The following GCC2 variants were observed in gnomAD, a reference collection of about 807,000 sequenced individuals.
GCC2 encodes GRIP and coiled-coil domain-containing protein 2.
In GCC2, 120 loss-of-function variants were observed where a neutral mutation model predicts 210.6. The ratio of observed to expected loss-of-function variants is 0.57; its 90% CI spans 0.49 to 0.66. The LOEUF is 0.66. Ranked by LOEUF, GCC2 falls within the 30% of genes least tolerant of loss-of-function variation. The probability of loss-of-function intolerance (pLI) is 0.00; values close to 1 mark genes in which losing one functional copy is unlikely to be tolerated. For missense variants in GCC2, 1,868 were observed against 1,871.9 expected (o/e 1.00, Z 0.04); for synonymous variants, 703 against 652.7 (o/e 1.08, Z -1.17).
rs765343878 is a variant in GCC2, at chr2:108,470,852, T to G, written c.1523T>G (p.Met508Arg). ...AAAATAAGTCAAGAGTTCGAATCAA[T>G]GAAGCAACAGCAAGCATCTGATGTT... Reference protein sequence around the residue: ...AGKISQEFESMKQQQASDVHE... With the variant: ...AGKISQEFESRKQQQASDVHE... Residue 508 changes from methionine to arginine, a missense_variant, in exon 6 of 23, where the codon ATG (methionine) becomes AGG (arginine). Met to Arg is a moderately conservative substitution (Grantham distance 91). Around this residue, in one of 3 missense-constraint regions of GCC2, gnomAD observed 1,847 missense variants for 1,765.2 expected, o/e 1.05. Coordinates refer to ENST00000309863, the MANE Select transcript of GCC2 (RefSeq NM_181453.4). 1 of 1,613,826 alleles carries G rather than the reference T, an allele frequency of 6.2e-7. No homozygotes were observed. Among genetic ancestry groups the G allele is most frequent in the South Asian group, 1.1e-5 (1 of 91,060 alleles).
At chr2:108,490,320 C>G (rs1461319617) in intron 18 of GCC2, among the ~76,000 whole-genome samples, 1 of 152,118 alleles carries the variant, frequency 6.6e-6, no homozygotes, top group Non-Finnish European at 1.5e-5. Flanking sequence ...ACCCAAGTAT[C>G]AAATCATAAG....
chr2:108,462,893 C>T (rs929491305), intron 4 of GCC2, among the ~76,000 whole-genome samples: 1 of 4,920 alleles, frequency 2.0e-4, no homozygotes, highest in East Asian at 6.8e-3. Flanking sequence ...ATTCTTTTAC[C>T]CTTATTTTTT....
Position 108,470,095 on chromosome 2 carries a change from A to G in GCC2, c.766A>G (p.Met256Val). Residue 256 changes from methionine to valine, a missense_variant, in exon 6 of 23, where the codon ATG (methionine) becomes GTG (valine). Transcript: ENST00000309863. ...AIHQEEVKEL[M>V]CQIEASAKEH... ...ACACCAAGAAGAGGTGAAAGAGTTGATGTGCCAGATTGAAGCATCAGCTAA... is the reference window on the plus strand; with the variant it reads ...ACACCAAGAAGAGGTGAAAGAGTTGGTGTGCCAGATTGAAGCATCAGCTAA... 1 of 1,613,776 alleles carries G rather than the reference A, an allele frequency of 6.2e-7. No homozygotes were observed. The highest frequency in any genetic ancestry group is 8.5e-7 in the Non-Finnish European group (1 of 1,179,778).
intron 16 of GCC2, 73 bp downstream of exon 16, chr2:108,486,721 C>T (rs1682160790): frequency 1.5e-6 from 2 of 1,369,652 alleles, no homozygotes; most frequent in East Asian, 4.8e-5. Flanking sequence ...TACTCCAGGG[C>T]TGTGCTCTGC....
At chr2:108,485,537 C>T (rs1418197993) in intron 13 of GCC2, 99 bp from the exon 14 acceptor site, 1 of 655,726 alleles carries the variant, frequency 1.5e-6, no homozygotes, top group South Asian at 2.3e-5. Flanking sequence ...CTAAAACAGG[C>T]TTAAAGACAA....
At chr2:108,507,345 C>T (rs1313198278) in intron 22 of GCC2, among the ~76,000 whole-genome samples, 2 of 149,492 alleles carry the variant, frequency 1.3e-5, no homozygotes, top group African/African-American at 2.4e-5. Flanking sequence ...ATTGAAGTCT[C>T]ATCACGCCAC....
intron 22 of GCC2, among the ~76,000 whole-genome samples, chr2:108,502,382 C>T (rs1272099751): frequency 6.6e-6 from 1 of 151,944 alleles, no homozygotes; most frequent in Non-Finnish European, 1.5e-5. Flanking sequence ...AAGAGACTAA[C>T]CTAAGGGATA....
At position 108,472,049 on chromosome 2, in the gene GCC2, A is replaced by T. The variant is rs1490152565; in HGVS notation, c.2720A>T (p.Glu907Val). Residue 907 changes from glutamate (E) to valine (V), a missense_variant, in exon 6 of 23, where the codon GAA (glutamate) becomes GTA (valine). Glu to Val is a moderately radical substitution (Grantham distance 121). This residue lies in a region of GCC2 where 1,847 missense variants were observed against 1,765.2 expected (regional missense o/e 1.05). Coordinates refer to ENST00000309863, the MANE Select transcript of GCC2 (RefSeq NM_181453.4). ...EKEKCFIKEH[E>V]NLKPLLEQKE... ...GAAAAATGTTTTATAAAGGAACATGAAAACCTAAAGCCACTACTAGAACAA... is the reference window on the plus strand; with the variant it reads ...GAAAAATGTTTTATAAAGGAACATGTAAACCTAAAGCCACTACTAGAACAA... 1 of 1,590,818 alleles carries T rather than the reference A, an allele frequency of 6.3e-7. No individual in the cohort carries two copies. Among genetic ancestry groups the T allele is most frequent in the East Asian group, 2.2e-5 (1 of 44,730 alleles).
intron 9 of GCC2, among the ~76,000 whole-genome samples, chr2:108,478,014 C>T (rs1049330959): frequency 6.6e-6 from 1 of 152,038 alleles, no homozygotes; most frequent in African/African-American, 2.4e-5. Flanking sequence ...CCACTGCACC[C>T]CTACAAAGGA....
At chr2:108,491,387 C>T (rs1682399066) in intron 18 of GCC2, among the ~76,000 whole-genome samples, 1 of 152,116 alleles carries the variant, frequency 6.6e-6, no homozygotes, top group East Asian at 1.9e-4. Context: ...TCTTCCTTTG[C>T]TTTCTGGGTA....
intron 12 of GCC2, 99 bp downstream of exon 12, chr2:108,483,265 C>A: frequency 1.5e-6 from 1 of 680,290 alleles, no homozygotes; most frequent in Non-Finnish European, 2.6e-6. Context: ...ACTCTGTGGC[C>A]CAGGCTGGAG....
In GCC2 at chr2:108,470,130, A is replaced by G; in HGVS notation, c.801A>G (p.Glu267=). The change falls in exon 6 of 23, where the codon GAA becomes GAG. Residue 267 remains glutamate, a synonymous_variant. Transcript: ENST00000309863. ...CQIEASAKEH[E]AEINKLNELK... is the part of the protein sequence containing the mutation. ...TTGAAGCATCAGCTAAGGAACATGA[A>G]GCAGAGATAAATAAGTTGAACGAGC... 2.5e-6 allele frequency: 4 copies of G among 1,613,846 alleles called. No homozygotes were observed. Among genetic ancestry groups the G allele is most frequent in the Non-Finnish European group, 3.4e-6 (4 of 1,179,874 alleles).
At position 108,452,238 on chromosome 2, in the gene GCC2, C is replaced by T. The variant is rs959134584; in HGVS notation, c.149-161C>T. On this transcript the variant is annotated intron_variant, in intron 3 of 22. Transcript: ENST00000309863. Reference sequence around the variant, plus strand: ...AGGAAACAAAATTGGCCATGTAATGCTGAAGTATAGTGATGAGTGCAGAGA... The same window carrying T: ...AGGAAACAAAATTGGCCATGTAATGTTGAAGTATAGTGATGAGTGCAGAGA... 2.0e-5 allele frequency among the ~76,000 whole-genome samples: 3 copies of T among 152,128 alleles called. No homozygotes were observed. In the South Asian group the frequency reaches 6.2e-4, roughly 32 times the overall value.
At position 108,476,125 on chromosome 2, in the gene GCC2, A is replaced by G. The variant is rs533305968; in HGVS notation, c.3060+275A>G. The stretch of plus-strand genomic sequence containing the variant: ...GCCCAGGCTGGAGTGCAGTGGCTCA[A>G]TCTTGGCTCACTGCACCCTCTGCCC... On this transcript the variant is annotated intron_variant, in intron 9 of 22. Transcript: ENST00000309863. Among the ~76,000 whole-genome samples, 83 of 140,520 alleles carry G rather than the reference A, an allele frequency of 5.9e-4. No homozygotes were observed. In the South Asian group the frequency reaches 9.1e-3, roughly 15 times the overall value. 92.2% of individuals were successfully genotyped at this position (140,520 alleles called of 152,430 possible).
rs745438727 is a variant in GCC2 at position 108,472,811 on chromosome 2, C to G, written c.2788-16C>G. 5 of 1,399,120 alleles carry G rather than the reference C, an allele frequency of 3.6e-6. No individual in the cohort carries two copies. The highest frequency in any genetic ancestry group is 5.0e-6 in the Non-Finnish European group (5 of 1,007,120). The allele number at this position is 1,399,120 out of a possible 1,614,324, so 86.7% of individuals were successfully genotyped here. On this transcript the variant is annotated splice_polypyrimidine_tract_variant and intron_variant, in intron 6 of 22. Transcript: ENST00000309863. ...TTTGTTTTGTTTTGTGTTTTTTTTT[C>G]CCCTGTAAAATCTAGGATTCCTTAG...
At position 108,487,723 on chromosome 2, in the gene GCC2, G is replaced by T. The variant is rs1440025107; in HGVS notation, c.3955G>T (p.Glu1319Ter). 6.2e-7 allele frequency: 1 copy of T among 1,613,290 alleles called. No homozygotes were observed. Among genetic ancestry groups the T allele is most frequent in the Admixed American group, 1.7e-5 (1 of 59,960 alleles). Residue 1319 changes from glutamate to a stop codon, truncating the protein, a stop_gained, in exon 17 of 23, where the codon GAA (glutamate) becomes TAA (stop). Coordinates refer to ENST00000309863, the MANE Select transcript of GCC2 (RefSeq NM_181453.4). LOFTEE classifies it high-confidence loss of function. ...AKAEQATVTS[E>*]FESYKVRVHN... ...GGCAGAACAAGCTACTGTAACCTCT[G>T]AATTCGAGAGCTACAAAGTCCGAGT...
chr2:108,497,174 A>G (rs1302358565), intron 21 of GCC2, 65 bp downstream of exon 21: 71 of 1,609,322 alleles, frequency 4.4e-5, no homozygotes, highest in Non-Finnish European at 5.6e-5. Context: ...CTCCATACAC[A>G]TGCACGATCT....
Position 108,451,099 on chromosome 2 carries a change from A to G in GCC2, c.135A>G (p.Lys45=). The change falls in exon 3 of 23, where the codon AAA becomes AAG. Residue 45 remains lysine (K), a synonymous_variant. Transcript: ENST00000309863. The part of the protein sequence containing the change: ...KKQMMLIQKA[K]SRCTELEKEI... ...AGATGATGCTAATACAGAAAGCTAA[A>G]TCAAGGTGTACAGGTATTGGGTTGA... The G allele has an allele frequency of 6.2e-7, 1 of 1,602,594 alleles. No individual in the cohort carries two copies. Among genetic ancestry groups the G allele is most frequent in the Non-Finnish European group, 8.6e-7 (1 of 1,169,580 alleles).
At chr2:108,492,196 C>T (rs1054484647) in intron 18 of GCC2, among the ~76,000 whole-genome samples, 5 of 149,730 alleles carry the variant, frequency 3.3e-5, no homozygotes, top group African/African-American at 7.4e-5. Flanking sequence ...ATTAATCTTA[C>T]ATTCATGTGA....
Sources: gnomAD v4.1 joint callset for allele counts (sites outside exome capture counted in the v4.1 genomes callset) on GRCh38, gnomAD v4.1.1 for gene constraint, gnomAD v4.1.1 regional missense constraint, MANE v1.5 for transcripts, NCBI Gene and HGNC (gene_info 2026-07-23, HGNC 2026-07-21) for gene names.